The following GOLGA3 variants were observed in gnomAD, a reference collection of about 807,000 sequenced individuals.
GOLGA3 encodes golgin subfamily A member 3.
In GOLGA3, 75 loss-of-function variants were observed where a neutral mutation model predicts 169.4. That is an observed-to-expected ratio of 0.44 (90% CI 0.37 to 0.54). The LOEUF is 0.54. Among genes scored for constraint, GOLGA3 ranks in the 20% least tolerant of loss-of-function variants. The probability of loss-of-function intolerance (pLI) is 0.00; values close to 1 mark genes in which losing one functional copy is unlikely to be tolerated. For synonymous variants in GOLGA3, 824 were observed against 822.4 expected (o/e 1.00, Z -0.03); for missense variants, 1,899 against 1,930.0 (o/e 0.98, Z 0.30).
chr12:132,788,127 C>G (rs2046024135), intron 13 of GOLGA3, among the ~76,000 whole-genome samples: 1 of 152,080 alleles, frequency 6.6e-6, no homozygotes, highest in African/African-American at 2.4e-5. Context: ...CGGCCCTCCC[C>G]TTGGCCCACC....
intron 2 of GOLGA3, among the ~76,000 whole-genome samples, chr12:132,821,606 T>G (rs2136776821): frequency 6.6e-6 from 1 of 151,982 alleles, no homozygotes; most frequent in East Asian, 1.9e-4. Flanking sequence ...ATCCCAGCAC[T>G]TTGAGGCTGA....
chr12:132,798,355 C>T lies in GOLGA3; in HGVS notation c.1923G>A (p.Gln641=). The change falls in exon 9 of 24, where the codon CAG becomes CAA. Residue 641 remains glutamine (Q), a synonymous_variant. Coordinates refer to ENST00000450791, the MANE Select transcript of GOLGA3 (RefSeq NM_001389683.1). The part of the protein sequence containing the change: ...SMKEKGRIAA[Q]LQGIEADMLD... ...GCAGCCTCACCTCAATGCCCTGCAG[C>T]TGTGCCGCGATGCGCCCCTTCTCCT... is the stretch of plus-strand genomic sequence containing the variant. 1.2e-6 allele frequency: 2 copies of T among 1,612,212 alleles called. No individual in the cohort carries two copies. Among genetic ancestry groups the T allele is most frequent in the East Asian group, 2.2e-5 (1 of 44,878 alleles).
At chr12:132,827,220 T>C (rs1950458165) in intron 1 of GOLGA3, among the ~76,000 whole-genome samples, 1 of 152,190 alleles carries the variant, frequency 6.6e-6, no homozygotes, top group Non-Finnish European at 1.5e-5. Context: ...CAAACACGAT[T>C]TCCTCAGGAA....
chr12:132,802,024 G>T, intron 7 of GOLGA3, 55 bp from the exon 8 acceptor site: 1 of 1,405,148 alleles, frequency 7.1e-7, no homozygotes, highest in Non-Finnish European at 9.8e-7. Flanking sequence ...GGGGGAGTCC[G>T]CAGCTCCGCG....
Position 132,779,783 on chromosome 12 carries a change from CACAT to C in GOLGA3, c.3582+1011_3582+1014del, listed in dbSNP as rs1372394261. Among the ~76,000 whole-genome samples the C allele has an allele frequency of 2.8e-5, 3 of 107,392 alleles. No individual in the cohort carries two copies. The Admixed American group carries it at 3.0e-4, about 11-fold the overall frequency. 70.5% of individuals were successfully genotyped at this position (107,392 alleles called of 152,430 possible). On this transcript the variant is annotated intron_variant, in intron 18 of 23. Coordinates refer to ENST00000450791, the MANE Select transcript of GOLGA3 (RefSeq NM_001389683.1). ...CCCTTGCATGGACACCCCCCCCGTG[CACAT>C]ACACACACCCCAGGCACACACGTGT...
chr12:132,815,740 A>C (rs1171596388), intron 3 of GOLGA3, among the ~76,000 whole-genome samples: 1 of 152,176 alleles, frequency 6.6e-6, no homozygotes, highest in African/African-American at 2.4e-5. Flanking sequence ...TACACACACA[A>C]AAAATTAAAA....
At chr12:132,824,263 GAC>G (rs978438292) in intron 1 of GOLGA3, among the ~76,000 whole-genome samples, 1 of 152,194 alleles carries the variant, frequency 6.6e-6, no homozygotes, top group African/African-American at 2.4e-5. Flanking sequence ...CCAGTCCACT[GAC>G]ACAGTCAATG....
At chr12:132,812,557 T>C (rs1566132856) in intron 4 of GOLGA3, among the ~76,000 whole-genome samples, 3 of 152,146 alleles carry the variant, frequency 2.0e-5, no homozygotes, top group Non-Finnish European at 4.4e-5. Context: ...AACAGGAGTG[T>C]GGAAGAAGCT....
rs1233279428 is a variant in GOLGA3 at position 132,769,297 on chromosome 12, T to G, written c.*3808A>C. 1 of 152,280 alleles carries G rather than the reference T, an allele frequency of 6.6e-6. No homozygotes were observed. Among genetic ancestry groups the G allele is most frequent in the Non-Finnish European group, 1.5e-5 (1 of 68,062 alleles). The allele number at this position is 152,280 out of a possible 1,614,324, so 9.4% of individuals were successfully genotyped here. A position where few individuals can be genotyped will look rare whatever the true frequency, so the allele number is the denominator to read the frequency against. On this transcript the variant is annotated 3_prime_UTR_variant, in exon 24 of 24. Coordinates refer to ENST00000450791, the MANE Select transcript of GOLGA3 (RefSeq NM_001389683.1). Reference sequence around the variant, plus strand: ...GGCCCCAGGACGGTTCTCTCAGATTTGCTGGTCCCTCCCCTCCTAGAATCT... The same window carrying G: ...GGCCCCAGGACGGTTCTCTCAGATTGGCTGGTCCCTCCCCTCCTAGAATCT...
rs774309414 is a variant in GOLGA3, at chr12:132,804,889, T to G, written c.1424A>C (p.Gln475Pro). ...GGCTCGCTCCAGGTCCCAGCACGAC[T>G]GCTTCAGGGTGTCCACCTCCGAGCT... is the stretch of plus-strand genomic sequence containing the variant. ...SLSSEVDTLKQSCWDLERAMT... is the reference protein window; with the variant it reads ...SLSSEVDTLKPSCWDLERAMT... Residue 475 changes from glutamine (Q) to proline (P), a missense_variant, in exon 7 of 24, where the codon CAG becomes CCG. Coordinates refer to ENST00000450791, the MANE Select transcript of GOLGA3 (RefSeq NM_001389683.1). The surrounding 1 kb of genome is among the most constrained non-coding windows in gnomAD (Gnocchi z 4.1). 3.7e-6 allele frequency: 6 copies of G among 1,614,090 alleles called. No individual in the cohort carries two copies. Among genetic ancestry groups the G allele is most frequent in the Non-Finnish European group, 5.1e-6 (6 of 1,180,026 alleles).
intron 20 of GOLGA3, 62 bp downstream of exon 20, chr12:132,776,896 G>C: frequency 6.5e-7 from 1 of 1,546,600 alleles, no homozygotes; most frequent in Non-Finnish European, 8.7e-7. Flanking sequence ...GCAGGATGGA[G>C]TGAAGTCACC....
chr12:132,796,703 G>A lies in GOLGA3; in HGVS notation c.1939-3C>T. 3 of 1,613,268 alleles carry A rather than the reference G, an allele frequency of 1.9e-6. No individual in the cohort carries two copies. The highest frequency in any genetic ancestry group is 2.5e-6 in the Non-Finnish European group (3 of 1,179,798). On this transcript the variant is annotated splice_region_variant and splice_polypyrimidine_tract_variant and intron_variant, in intron 9 of 23. Transcript: ENST00000450791. ...GCTTCCTGATCCAACATGTCAGCCT[G>A]AGCCCAGGAAACTTGTTTTTAAAAA... is the stretch of plus-strand genomic sequence containing the variant.
At chr12:132,827,988 C>T (rs904472661) in intron 1 of GOLGA3, 4 of 152,162 alleles carry the variant, frequency 2.6e-5, no homozygotes, top group Non-Finnish European at 5.9e-5. Context: ...CTTAAGAATC[C>T]AGCACCTGCC....
At chr12:132,821,644 G>A (rs1375453204) in intron 2 of GOLGA3, among the ~76,000 whole-genome samples, 1 of 151,956 alleles carries the variant, frequency 6.6e-6, no homozygotes, top group Non-Finnish European at 1.5e-5. Context: ...CACGAAGTCA[G>A]GAGATCGAGA....
At chr12:132,791,333 C>T (rs1463704522) in intron 11 of GOLGA3, 40 bp from the exon 12 acceptor site, 1 of 1,156,772 alleles carries the variant, frequency 8.6e-7, no homozygotes, top group South Asian at 1.3e-5. Flanking sequence ...CTGACGGCTC[C>T]AGGAGGGGAA....
At chr12:132,773,432 G>GTTTT in intron 23 of GOLGA3, 138 bp from the exon 24 acceptor site, 4 of 451,692 alleles carry the variant, frequency 8.9e-6, no homozygotes, top group Non-Finnish European at 1.6e-5. Flanking sequence ...TGAGACCACA[G>GTTTT]AAGCTCAGCT....
At chr12:132,817,576 C>T (rs1447738468) in intron 2 of GOLGA3, among the ~76,000 whole-genome samples, 1 of 7,500 alleles carries the variant, frequency 1.3e-4, no homozygotes. Flanking sequence ...TAACGTGAAC[C>T]CGCCCTCCAC....
chr12:132,808,151 G>A lies in GOLGA3; in HGVS notation c.918C>T (p.Ser306=), dbSNP rs765794376. 52 of 1,611,716 alleles carry A rather than the reference G, an allele frequency of 3.2e-5. 1 individual carries two copies. Among genetic ancestry groups the A allele is most frequent in the Middle Eastern group, 1.7e-4 (1 of 6,052 alleles). The change falls in exon 5 of 24, where the codon AGC becomes AGT. Residue 306 remains serine (S), a synonymous_variant. Coordinates refer to ENST00000450791, the MANE Select transcript of GOLGA3 (RefSeq NM_001389683.1). ...TGTCATTTCCATCCACCTCAGACAC[G>A]CTGTCTCCAGCCAGGGAGGTGTTCT... ...RLENTSLAGD[S]VSEVDGNDSD... is the part of the protein sequence containing the mutation.
chr12:132,771,199 C>T lies in GOLGA3; in HGVS notation c.*1906G>A, dbSNP rs969590370. ...CCAAACATCTTTGTGGTTAATGCTA[C>T]CTTAACCTTACCAATTAACCTTCTA... On this transcript the variant is annotated 3_prime_UTR_variant, in exon 24 of 24. Transcript: ENST00000450791. 3 of 152,552 alleles carry T rather than the reference C, an allele frequency of 2.0e-5. No homozygotes were observed. The highest frequency in any genetic ancestry group is 4.4e-5 in the Non-Finnish European group (3 of 68,028). The allele number at this position is 152,552 out of a possible 1,614,324, so 9.4% of individuals were successfully genotyped here.
Sources: gnomAD v4.1 joint callset for allele counts (sites outside exome capture counted in the v4.1 genomes callset) on GRCh38, gnomAD v4.1.1 for gene constraint, Gnocchi (gnomAD v3.1) non-coding constraint, MANE v1.5 for transcripts, NCBI Gene and HGNC (gene_info 2026-07-23, HGNC 2026-07-21) for gene names.